The following ZSCAN1 variants were observed in gnomAD, a reference collection of about 807,000 sequenced individuals.
The protein encoded by ZSCAN1 is zinc finger and SCAN domain containing 1, also known as zinc finger and SCAN domain-containing protein 1.
ZSCAN1 carries 23 observed loss-of-function variants against 23.8 expected under a neutral mutation model. The ratio of observed to expected loss-of-function variants is 0.97; its 90% CI spans 0.70 to 1.37. The LOEUF is 1.37. ZSCAN1 is among the 40% of genes most tolerant of loss of function. The probability of loss-of-function intolerance (pLI) is 0.00; values close to 1 mark genes in which losing one functional copy is unlikely to be tolerated. For missense variants in ZSCAN1, 575 were observed against 554.0 expected, an observed-to-expected ratio of 1.04 and a Z score of -0.38; for synonymous variants, 236 against 232.3, an observed-to-expected ratio of 1.02 and a Z score of -0.15.
At chr19:58,046,572 C>A in intron 4 of ZSCAN1, 1 of 848,098 alleles carries the variant, frequency 1.2e-6, no homozygotes, top group Non-Finnish European at 2.1e-6. Context: ...AGCTCACCAG[C>A]CTGGCCGCAG....
Position 58,045,062 on chromosome 19 carries a change from C to A in ZSCAN1, c.465+4518C>A. The A allele has an allele frequency of 8.9e-7, 1 of 1,129,054 alleles. No individual in the cohort carries two copies. The highest frequency in any genetic ancestry group is 1.3e-6 in the Non-Finnish European group (1 of 742,040). The allele number at this position is 1,129,054 out of a possible 1,614,324, so 69.9% of individuals were successfully genotyped here. A position where few individuals can be genotyped will look rare whatever the true frequency, so the allele number is the denominator to read the frequency against. On this transcript the variant is annotated intron_variant, in intron 4 of 5. Coordinates refer to ENST00000282326, the MANE Select transcript of ZSCAN1 (RefSeq NM_182572.4). This position sits in a 1 kb window ranked among gnomAD's most constrained non-coding sequence, Gnocchi z 4.3. ...TCCCGGGGGCAGAGAGGGTGCTGGG[C>A]GAGCTGAGGCACTACTACCATGGCT...
intron 4 of ZSCAN1, among the ~76,000 whole-genome samples, chr19:58,043,304 C>A (rs1052723462): frequency 6.6e-6 from 1 of 152,258 alleles, no homozygotes; most frequent in Non-Finnish European, 1.5e-5. Flanking sequence ...CACACACCTA[C>A]ACGCACAGCC....
chr19:58,038,501 G>C (rs2073758892), intron 3 of ZSCAN1: 1 of 565,348 alleles, frequency 1.8e-6, no homozygotes, highest in South Asian at 2.3e-5. Context: ...TCTCTGGGAA[G>C]GACGCTGCCT....
In ZSCAN1 at chr19:58,045,026, T is replaced by C. The variant is rs2073815857; in HGVS notation, c.465+4482T>C. ...CCTGTGTACAGCGCCCCCGCAGAGA[T>C]GGTGGTGAAGTCCCGGGGGCAGAGA... On this transcript the variant is annotated intron_variant, in intron 4 of 5. Transcript: ENST00000282326. This position sits in a 1 kb window ranked among gnomAD's most constrained non-coding sequence, Gnocchi z 4.3. 2.6e-6 allele frequency: 3 copies of C among 1,137,582 alleles called. No individual in the cohort carries two copies. Among genetic ancestry groups the C allele is most frequent in the East Asian group, 2.4e-5 (1 of 42,134 alleles). 70.5% of individuals were successfully genotyped at this position (1,137,582 alleles called of 1,614,324 possible). A position where few individuals can be genotyped will look rare whatever the true frequency, so the allele number is the denominator to read the frequency against.
In ZSCAN1 at chr19:58,053,326, G is replaced by T; in HGVS notation, c.605-103G>T. The T allele has an allele frequency of 1.4e-6, 2 of 1,447,714 alleles. No individual in the cohort carries two copies. The highest frequency in any genetic ancestry group is 1.9e-6 in the Non-Finnish European group (2 of 1,071,088). The allele number at this position is 1,447,714 out of a possible 1,614,324, so 89.7% of individuals were successfully genotyped here. On this transcript the variant is annotated intron_variant, in intron 5 of 5. Transcript: ENST00000282326. This position sits in a 1 kb window ranked among gnomAD's most constrained non-coding sequence, Gnocchi z 5.8. ...CCGTATTGAGCAGAGGAAGGGCCTG[G>T]ACTTGGCTCAGTCACTGGGGTCCTC...
Position 58,050,110 on chromosome 19 carries a change from A to T in ZSCAN1, c.466-2380A>T, listed in dbSNP as rs528520518. 3.3e-5 allele frequency among the ~76,000 whole-genome samples: 5 copies of T among 151,240 alleles called. No individual in the cohort carries two copies. The South Asian group carries it at 1.0e-3, about 32-fold the overall frequency. On this transcript the variant is annotated intron_variant, in intron 4 of 5. Transcript: ENST00000282326. ...TTTCCTTTTTTTTTTTTCCAAAATA[A>T]CCCAGCACCATTGCCCCAACTAAAA...
downstream of ZSCAN1, among the ~76,000 whole-genome samples, chr19:58,056,484 T>C (rs1241760087): frequency 6.6e-6 from 1 of 152,228 alleles, no homozygotes; most frequent in Middle Eastern, 3.2e-3. Flanking sequence ...CGGGACACCA[T>C]TGTGGGCTGC....
chr19:58,053,866 A>T lies in ZSCAN1; in HGVS notation c.1042A>T (p.Arg348Trp). ...CAAGATCCACCTGCTGGAGCCACCGAGGAAGAAAGCCCCCCGGAGCAAGGG... is the reference window on the plus strand; with the variant it reads ...CAAGATCCACCTGCTGGAGCCACCGTGGAAGAAAGCCCCCCGGAGCAAGGG... The part of the protein sequence containing the change: ...HGKIHLLEPP[R>W]KKAPRSKGPR... The change falls in exon 6 of 6, where the codon AGG becomes TGG. Residue 348 changes from arginine to tryptophan, a missense_variant. Transcript: ENST00000282326. This position sits in a 1 kb window ranked among gnomAD's most constrained non-coding sequence, Gnocchi z 5.8. 1.2e-6 allele frequency: 2 copies of T among 1,613,776 alleles called. No individual in the cohort carries two copies. The highest frequency in any genetic ancestry group is 2.2e-5 in the South Asian group (2 of 91,078).
rs1047432159 is a variant in ZSCAN1, at chr19:58,045,033, G to T, written c.465+4489G>T. 68 of 1,114,238 alleles carry T rather than the reference G, an allele frequency of 6.1e-5. No individual in the cohort carries two copies. The highest frequency in any genetic ancestry group is 8.9e-5 in the Non-Finnish European group (65 of 730,374). 69.0% of individuals were successfully genotyped at this position (1,114,238 alleles called of 1,614,324 possible). A position where few individuals can be genotyped will look rare whatever the true frequency, so the allele number is the denominator to read the frequency against. On this transcript the variant is annotated intron_variant, in intron 4 of 5. Transcript: ENST00000282326. The surrounding 1 kb of genome is among the most constrained non-coding windows in gnomAD (Gnocchi z 4.3). ...ACAGCGCCCCCGCAGAGATGGTGGT[G>T]AAGTCCCGGGGGCAGAGAGGGTGCT... is the stretch of plus-strand genomic sequence containing the variant.
Position 58,040,254 on chromosome 19 carries a change from C to T in ZSCAN1, c.371-196C>T, listed in dbSNP as rs921705573. 1.4e-4 allele frequency among the ~76,000 whole-genome samples: 22 copies of T among 152,106 alleles called. No homozygotes were observed. Among genetic ancestry groups the T allele is most frequent in the African/African-American group, 3.6e-4 (15 of 41,408 alleles). On this transcript the variant is annotated intron_variant, in intron 3 of 5. Transcript: ENST00000282326. This position sits in a 1 kb window ranked among gnomAD's most constrained non-coding sequence, Gnocchi z 5.8. The stretch of plus-strand genomic sequence containing the variant: ...GAGTGAAGAGGGTACTTGTCTTCAG[C>T]GGCCCTCGGTGTCACCACAGGTTCC...
chr19:58,042,661 G>GT (rs2073798258), intron 4 of ZSCAN1, among the ~76,000 whole-genome samples: 3 of 152,216 alleles, frequency 2.0e-5, no homozygotes, highest in Non-Finnish European at 2.9e-5. Context: ...GTAGACCACA[G>GT]TTGTTGGCCA....
In ZSCAN1 at chr19:58,037,891, C is replaced by T; in HGVS notation, c.55C>T (p.Pro19Ser). 1 of 1,580,268 alleles carries T rather than the reference C, an allele frequency of 6.3e-7. No homozygotes were observed. The highest frequency in any genetic ancestry group is 2.3e-5 in the East Asian group (1 of 44,094). ...CCCCAGACGCCCCCAGACCCCAACC[C>T]CGAGTGAGCAGGACGCAGACCCTGG... ...ASPRRPQTPT[P>S]SEQDADPGPA... Residue 19 changes from proline to serine, a missense_variant, in exon 3 of 6, where the codon CCG becomes TCG. Pro to Ser is a moderately conservative substitution (Grantham distance 74, BLOSUM62 -1). Transcript: ENST00000282326.
At chr19:58,046,148 C>A (rs1247276360) in intron 4 of ZSCAN1, 5 of 718,320 alleles carry the variant, frequency 7.0e-6, no homozygotes, top group Non-Finnish European at 1.0e-5. Flanking sequence ...AAGGACACTG[C>A]CCCCGTGCTA....
chr19:58,053,768 G>A lies in ZSCAN1; in HGVS notation c.944G>A (p.Arg315His), dbSNP rs771707739. The A allele has an allele frequency of 1.4e-5, 23 of 1,613,814 alleles. No individual in the cohort carries two copies. Among genetic ancestry groups the A allele is most frequent in the East Asian group, 1.1e-4 (5 of 44,852 alleles). Residue 315 changes from arginine to histidine, a missense_variant, in exon 6 of 6, where the codon CGC becomes CAC. By Grantham distance (29) the Arg-to-His change is conservative. Coordinates refer to ENST00000282326, the MANE Select transcript of ZSCAN1 (RefSeq NM_182572.4). The surrounding 1 kb of genome is among the most constrained non-coding windows in gnomAD (Gnocchi z 5.8). ...TTCATCGAGCACCAGAAGACCCATC[G>A]CGAGGAAGGGCCCTTTCCGTGCCCC... ...THFIEHQKTH[R>H]EEGPFPCPEC...
At position 58,040,534 on chromosome 19, in the gene ZSCAN1, A is replaced by G. The variant is rs1381486181; in HGVS notation, c.455A>G (p.Glu152Gly). The change falls in exon 4 of 6, where the codon GAA becomes GGA. Residue 152 changes from glutamate (E) to glycine (G), a missense_variant. Physicochemically the swap from Glu to Gly is moderately conservative, Grantham distance 98. Transcript: ENST00000282326. This position sits in a 1 kb window ranked among gnomAD's most constrained non-coding sequence, Gnocchi z 5.8. ...GGGAAGAGTCCAAGGTCCCAGAAAG[A>G]ACCATCGCAGGTGAGCCCGGGGCCC... ...EDGKSPRSQK[E>G]PSQASELILD... 1.2e-6 allele frequency: 2 copies of G among 1,613,278 alleles called. No individual in the cohort carries two copies. Among genetic ancestry groups the G allele is most frequent in the Admixed American group, 1.7e-5 (1 of 59,998 alleles).
intron 4 of ZSCAN1, among the ~76,000 whole-genome samples, chr19:58,052,025 T>C (rs2123443647): frequency 6.6e-6 from 1 of 152,358 alleles, no homozygotes; most frequent in East Asian, 1.9e-4. Flanking sequence ...CCACTTCCTC[T>C]GGGCTTGTGG....
chr19:58,046,123 C>T (rs1259606437), intron 4 of ZSCAN1: 7 of 702,518 alleles, frequency 1.0e-5, no homozygotes, highest in Non-Finnish European at 1.6e-5. Flanking sequence ...CACTGTCCTG[C>T]AGTCAGAGAC....
At chr19:58,038,293 G>A (rs1302410708) in intron 3 of ZSCAN1, 87 bp downstream of exon 3, 4 of 1,508,000 alleles carry the variant, frequency 2.7e-6, no homozygotes, top group South Asian at 1.2e-5. Flanking sequence ...CGCCCACATC[G>A]CTCCCACCCC....
Position 58,049,605 on chromosome 19 carries a change from A to G in ZSCAN1, c.466-2885A>G, listed in dbSNP as rs2073846324. On this transcript the variant is annotated intron_variant, in intron 4 of 5. Transcript: ENST00000282326. The surrounding 1 kb of genome is among the most constrained non-coding windows in gnomAD (Gnocchi z 4.5). ...GTCCATTGTTGACTGAAACACCATTACCCCATGGGGAGGGGCTGCCTGAAG... is the reference window on the plus strand; with the variant it reads ...GTCCATTGTTGACTGAAACACCATTGCCCCATGGGGAGGGGCTGCCTGAAG... 6.6e-6 allele frequency among the ~76,000 whole-genome samples: 1 copy of G among 152,070 alleles called. No homozygotes were observed. The highest frequency in any genetic ancestry group is 1.5e-5 in the Non-Finnish European group (1 of 68,018).
Sources: allele counts gnomAD v4.1 joint callset (sites outside exome capture counted in the v4.1 genomes callset), GRCh38; gene constraint gnomAD v4.1.1; non-coding constraint Gnocchi (gnomAD v3.1); transcripts MANE v1.5; gene names NCBI Gene and HGNC (gene_info 2026-07-23, HGNC 2026-07-21).